Variants in LRP1B observed in about 807,000 individuals in gnomAD.
LRP1B encodes LDL receptor related protein 1B.
Under a neutral mutation model 556.6 loss-of-function variants are expected in LRP1B, and 217 were observed. The ratio of observed to expected loss-of-function variants is 0.39; its 90% CI spans 0.35 to 0.44. LRP1B has a LOEUF of 0.44. Among genes scored for constraint, LRP1B ranks in the 20% least tolerant of loss-of-function variants. LRP1B has a pLI of 1.00. For synonymous variants in LRP1B, 2,047 were observed against 1,865.8 expected, an observed-to-expected ratio of 1.10 and a Z score of -2.50; for missense variants, 5,053 against 5,620.8, an observed-to-expected ratio of 0.90 and a Z score of 3.23.
chr2:141,415,819 A>G (rs750428286), intron 3 of LRP1B, among the ~76,000 whole-genome samples: 1 of 152,206 alleles, frequency 6.6e-6, no homozygotes, highest in Non-Finnish European at 1.5e-5. Flanking sequence ...GTGATTGCAA[A>G]GAATGAGGAA....
intron 84 of LRP1B, among the ~76,000 whole-genome samples, chr2:140,294,644 G>C (rs558483058): frequency 1.1e-4 from 17 of 152,164 alleles, no homozygotes; most frequent in Admixed American, 2.6e-4. Flanking sequence ...TAGAATAAAG[G>C]AGAGGCTGCA....
chr2:140,634,605 G>C (rs904339231), intron 41 of LRP1B, among the ~76,000 whole-genome samples: 8 of 151,996 alleles, frequency 5.3e-5, no homozygotes, highest in African/African-American at 1.9e-4. Context: ...AAGTAATCAA[G>C]GACGATATTA....
At chr2:140,944,873 C>T (rs1296729494) in intron 20 of LRP1B, among the ~76,000 whole-genome samples, 1 of 152,108 alleles carries the variant, frequency 6.6e-6, no homozygotes, top group African/African-American at 2.4e-5. Flanking sequence ...TCTAATCTCA[C>T]CACTTCTATT....
At chr2:141,465,116 G>C (rs1033063484) in intron 3 of LRP1B, among the ~76,000 whole-genome samples, 6 of 151,520 alleles carry the variant, frequency 4.0e-5, no homozygotes, top group Non-Finnish European at 7.4e-5. Flanking sequence ...CAGAAAGAAA[G>C]TATACACATT....
At chr2:140,754,308 G>A (rs1688674347) in intron 35 of LRP1B, among the ~76,000 whole-genome samples, 1 of 152,148 alleles carries the variant, frequency 6.6e-6, no homozygotes, top group Admixed American at 6.6e-5. Flanking sequence ...GAGCCCCTCT[G>A]GAGTGAGAAG....
intron 1 of LRP1B, among the ~76,000 whole-genome samples, chr2:141,866,090 C>T (rs1215680859): frequency 2.0e-5 from 3 of 151,986 alleles, no homozygotes; most frequent in Admixed American, 2.0e-4. Flanking sequence ...ATTTTAGTGA[C>T]CCCCCAGGGA....
At chr2:140,659,121 T>G (rs1018090662) in intron 41 of LRP1B, among the ~76,000 whole-genome samples, 6 of 145,274 alleles carry the variant, frequency 4.1e-5, no homozygotes, top group African/African-American at 1.3e-4. Context: ...TTTTTTTTTT[T>G]TTTTTTAGTG....
chr2:141,924,556 G>T (rs1700284512), intron 1 of LRP1B, among the ~76,000 whole-genome samples: 1 of 152,126 alleles, frequency 6.6e-6, no homozygotes, highest in Admixed American at 6.5e-5. Flanking sequence ...AGACAGCAAG[G>T]TCAAAAGACT....
rs35022663 is a variant in LRP1B, at chr2:140,425,845, T to C, written c.10414+16659A>G. 2.7e-3 allele frequency among the ~76,000 whole-genome samples: 417 copies of C among 152,332 alleles called. 1 individual carries two copies. The highest frequency in any genetic ancestry group is 6.8e-3 in the Middle Eastern group (2 of 294). Reference sequence around the variant, plus strand: ...AGAATTAAATAATATTTTATACTTATGTGATCATCCACATAAGGCACACAG... The same window carrying C: ...AGAATTAAATAATATTTTATACTTACGTGATCATCCACATAAGGCACACAG... On this transcript the variant is annotated intron_variant, in intron 66 of 90. Transcript: ENST00000389484.
intron 1 of LRP1B, among the ~76,000 whole-genome samples, chr2:141,887,928 G>C (rs916888400): frequency 2.0e-5 from 3 of 152,168 alleles, no homozygotes; most frequent in Admixed American, 6.5e-5. Context: ...TATAGCAACA[G>C]CAAAGAACTC....
intron 47 of LRP1B, among the ~76,000 whole-genome samples, chr2:140,527,561 G>A (rs957820976): frequency 2.0e-5 from 3 of 151,804 alleles, no homozygotes; most frequent in African/African-American, 7.3e-5. Context: ...TAGAATAAAT[G>A]TTTTATTTAC....
chr2:140,540,892 G>T, intron 45 of LRP1B, 81 bp downstream of exon 45: 1 of 1,437,154 alleles, frequency 7.0e-7, no homozygotes. Flanking sequence ...ATAACTTCAT[G>T]AATACACTAA....
chr2:140,485,716 T>A (rs1688437456), intron 58 of LRP1B, among the ~76,000 whole-genome samples, 192 bp from the exon 59 acceptor site: 1 of 151,994 alleles, frequency 6.6e-6, no homozygotes, highest in Admixed American at 6.6e-5. Flanking sequence ...TGTAATTAGG[T>A]CCCTAGAACT....
chr2:140,650,307 ATTTTTATTTATTTATTTATTTATT>A lies in LRP1B; in HGVS notation c.6800-48692_6800-48669del, dbSNP rs1452744259. On this transcript the variant is annotated intron_variant, in intron 41 of 90. Transcript: ENST00000389484. ...AAGTTAGTTAAATCACTTTATTTTT[ATTTTTATTTATTTATTTATTTATT>A]TATTTATTTATTTATTTATTTATTT... 1.1e-4 allele frequency among the ~76,000 whole-genome samples: 16 copies of A among 139,136 alleles called. No individual in the cohort carries two copies. The South Asian group carries it at 1.4e-3, about 12-fold the overall frequency. 91.3% of individuals were successfully genotyped at this position (139,136 alleles called of 152,430 possible). A position where few individuals can be genotyped will look rare whatever the true frequency, so the allele number is the denominator to read the frequency against.
At chr2:141,064,372 T>G (rs1699423389) in intron 7 of LRP1B, among the ~76,000 whole-genome samples, 2 of 151,874 alleles carry the variant, frequency 1.3e-5, no homozygotes, top group African/African-American at 4.8e-5. Context: ...TTCAGAAAAT[T>G]TAAGTTATTC....
intron 21 of LRP1B, among the ~76,000 whole-genome samples, chr2:140,920,378 A>G (rs1050378981): frequency 6.6e-6 from 1 of 152,090 alleles, no homozygotes; most frequent in Non-Finnish European, 1.5e-5. Flanking sequence ...ATGACAATTT[A>G]TGTATAAGAA....
chr2:141,200,969 C>A (rs1039412791), intron 6 of LRP1B, among the ~76,000 whole-genome samples: 3 of 152,202 alleles, frequency 2.0e-5, no homozygotes, highest in South Asian at 4.1e-4. Flanking sequence ...GAAGTCATAG[C>A]TTTTTCATTC....
At chr2:140,945,035 T>G (rs1371140612) in intron 20 of LRP1B, among the ~76,000 whole-genome samples, 1 of 152,152 alleles carries the variant, frequency 6.6e-6, no homozygotes, top group Non-Finnish European at 1.5e-5. Context: ...CTAGCCCAGA[T>G]AAGTGACTTC....
In LRP1B at chr2:141,014,030, G is replaced by A. The variant is rs868617666; in HGVS notation, c.2191-285C>T. 3.3e-5 allele frequency among the ~76,000 whole-genome samples: 5 copies of A among 151,920 alleles called. No homozygotes were observed. In the East Asian group the frequency reaches 5.8e-4, roughly 18 times the overall value. On this transcript the variant is annotated intron_variant, in intron 13 of 90. Coordinates refer to ENST00000389484, the MANE Select transcript of LRP1B (RefSeq NM_018557.3). ...CTTTCATCTATGGCACGAAAAATAC[G>A]GTTAAGAATGCAAATACTAAAATGA... is the stretch of plus-strand genomic sequence containing the variant.
Sources: gnomAD v4.1 joint callset for allele counts (sites outside exome capture counted in the v4.1 genomes callset) on GRCh38, gnomAD v4.1.1 for gene constraint, MANE v1.5 for transcripts, NCBI Gene and HGNC (gene_info 2026-07-23, HGNC 2026-07-21) for gene names.